The following DOCK9 variants were observed in gnomAD, a reference collection of about 807,000 sequenced individuals.
DOCK9 encodes the protein dedicator of cytokinesis protein 9.
In DOCK9, 89 loss-of-function variants were observed where a neutral mutation model predicts 263.3. That is an observed-to-expected ratio of 0.34 (90% CI 0.28 to 0.40). The LOEUF is 0.40. DOCK9 is among the 10% of genes least tolerant of loss of function. The pLI is 1.00. For missense variants in DOCK9, 2,140 were observed against 2,603.4 expected, an observed-to-expected ratio of 0.82 and a Z score of 3.87; for synonymous variants, 976 against 973.1, an observed-to-expected ratio of 1.00 and a Z score of -0.06.
rs372331441 is a variant in DOCK9 at position 98,898,798 on chromosome 13, C to T, written c.1504-537G>A. ...CAATGCTATATTCTTGCTTTCTAAACATGAATTACTGCTATTTCTACTTCC... is the reference window on the plus strand; with the variant it reads ...CAATGCTATATTCTTGCTTTCTAAATATGAATTACTGCTATTTCTACTTCC... On this transcript the variant is annotated intron_variant, in intron 13 of 52. Coordinates refer to ENST00000682017, the MANE Select transcript of DOCK9 (RefSeq NM_001366683.2). 6.6e-5 allele frequency among the ~76,000 whole-genome samples: 10 copies of T among 152,298 alleles called. No individual in the cohort carries two copies. In the East Asian group the frequency reaches 7.7e-4, roughly 12 times the overall value.
intron 1 of DOCK9, among the ~76,000 whole-genome samples, chr13:99,008,192 C>G (rs1883703085): frequency 1.6e-5 from 1 of 64,074 alleles, no homozygotes; most frequent in South Asian, 7.6e-4. Flanking sequence ...CAGCCTCTCT[C>G]TCTCTCTCTC....
intron 1 of DOCK9, among the ~76,000 whole-genome samples, chr13:99,017,974 T>C (rs1303242338): frequency 1.3e-5 from 2 of 152,204 alleles, no homozygotes; most frequent in Non-Finnish European, 2.9e-5. Flanking sequence ...ATCATCATAT[T>C]GTATACCTTA....
intron 1 of DOCK9, among the ~76,000 whole-genome samples, chr13:99,040,172 G>A (rs1888321179): frequency 6.6e-6 from 1 of 152,194 alleles, no homozygotes; most frequent in Admixed American, 6.5e-5. Context: ...CCTACCTCAT[G>A]TATGGATACA....
chr13:98,955,190 C>T (rs549193670), intron 2 of DOCK9, among the ~76,000 whole-genome samples: 10 of 152,178 alleles, frequency 6.6e-5, no homozygotes, highest in South Asian at 4.2e-4. Flanking sequence ...TGGTGGCACA[C>T]GCCTGTAATC....
At chr13:99,037,235 T>C (rs1887985001) in intron 1 of DOCK9, among the ~76,000 whole-genome samples, 1 of 152,152 alleles carries the variant, frequency 6.6e-6, no homozygotes, top group African/African-American at 2.4e-5. Flanking sequence ...ATCACATACC[T>C]GATTAAAGAT....
rs939839068 is a variant in DOCK9, at chr13:99,084,309, T to C, written c.129+1914A>G. ...TGCAATTCAGAACCATCACAATGCA[T>C]TTCCTATTTCCCATTCAGCCAGGGG... On this transcript the variant is annotated intron_variant, in intron 1 of 32. Transcript: ENST00000427887. 2.0e-5 allele frequency among the ~76,000 whole-genome samples: 3 copies of C among 152,222 alleles called. No individual in the cohort carries two copies. In the South Asian group the frequency reaches 6.2e-4, roughly 31 times the overall value.
At chr13:99,043,310 C>G (rs1186467536) in intron 1 of DOCK9, among the ~76,000 whole-genome samples, 1 of 152,246 alleles carries the variant, frequency 6.6e-6, no homozygotes, top group Admixed American at 6.5e-5. Flanking sequence ...TCAAACTTCT[C>G]TTCCAGCTGG....
At chr13:98,910,884 T>G (rs1377155376) in intron 9 of DOCK9, among the ~76,000 whole-genome samples, 1 of 146,528 alleles carries the variant, frequency 6.8e-6, no homozygotes, top group East Asian at 2.3e-4. Flanking sequence ...TCTGCATACT[T>G]CAGTCTCTGA....
intron 8 of DOCK9, 149 bp from the exon 9 acceptor site, chr13:98,914,544 T>C: frequency 1.5e-6 from 1 of 646,028 alleles, no homozygotes; most frequent in East Asian, 2.8e-5. Context: ...TTGGGGTGCT[T>C]TGAAAAAATA....
intron 2 of DOCK9, among the ~76,000 whole-genome samples, chr13:98,940,118 A>C (rs1397424412): frequency 1.3e-5 from 2 of 152,198 alleles, no homozygotes; most frequent in Non-Finnish European, 2.9e-5. Flanking sequence ...ATTCAGTACC[A>C]AGCTAGACTG....
intron 1 of DOCK9, among the ~76,000 whole-genome samples, chr13:98,987,960 A>C (rs1878863892): frequency 6.6e-6 from 1 of 152,280 alleles, no homozygotes; most frequent in South Asian, 2.1e-4. Context: ...TTTAAATTTA[A>C]AAAATAAAAA....
At chr13:98,806,949 C>T (rs2090790984) in intron 48 of DOCK9, among the ~76,000 whole-genome samples, 1 of 151,972 alleles carries the variant, frequency 6.6e-6, no homozygotes, top group East Asian at 1.9e-4. Flanking sequence ...TTAGAAAAAG[C>T]CATTTGGCCA....
chr13:99,038,366 G>A (rs1027028178), intron 1 of DOCK9, among the ~76,000 whole-genome samples: 5 of 127,734 alleles, frequency 3.9e-5, no homozygotes, highest in East Asian at 2.5e-4. Context: ...GTGCAATGGC[G>A]TGACCTTGGC....
intron 1 of DOCK9, among the ~76,000 whole-genome samples, chr13:98,958,559 C>A (rs1271777003): frequency 6.6e-6 from 1 of 152,214 alleles, no homozygotes; most frequent in African/African-American, 2.4e-5. Flanking sequence ...CATTGCGGCA[C>A]AAAAGCAGCC....
rs370322794 is a variant in DOCK9, at chr13:98,895,484, G to A, written c.1709+2004C>T. 1.5e-3 allele frequency among the ~76,000 whole-genome samples: 232 copies of A among 152,166 alleles called. 8 individuals are homozygous for A. The South Asian group carries it at 0.045, about 30-fold the overall frequency. ...GTTTGAGATCAGCCTGGCCAATATGGTGAAACCCCATCTCTACTAAAAATA... is the reference window on the plus strand; with the variant it reads ...GTTTGAGATCAGCCTGGCCAATATGATGAAACCCCATCTCTACTAAAAATA... On this transcript the variant is annotated intron_variant, in intron 15 of 52. Transcript: ENST00000682017.
chr13:98,883,512 C>A (rs1297225175), intron 22 of DOCK9, among the ~76,000 whole-genome samples: 5 of 152,146 alleles, frequency 3.3e-5, no homozygotes, highest in Non-Finnish European at 7.4e-5. Flanking sequence ...CTCCAAAATG[C>A]TAGGATTACA....
intron 1 of DOCK9, among the ~76,000 whole-genome samples, chr13:98,964,401 G>C (rs2141192035): frequency 6.6e-6 from 1 of 152,288 alleles, no homozygotes; most frequent in African/African-American, 2.4e-5. Context: ...GAGGTTCCTG[G>C]AGCTGATCAA....
At chr13:98,916,402 C>T (rs1457470617) in intron 7 of DOCK9, among the ~76,000 whole-genome samples, 4 of 152,142 alleles carry the variant, frequency 2.6e-5, no homozygotes, top group African/African-American at 9.7e-5. Flanking sequence ...ACAGGCTGAG[C>T]GATATGAAAT....
intron 1 of DOCK9, among the ~76,000 whole-genome samples, chr13:98,988,920 C>T (rs1332694154): frequency 6.6e-6 from 1 of 152,174 alleles, no homozygotes. Flanking sequence ...CAGGGTAGGA[C>T]GGCATCCCCA....
Sources: gnomAD v4.1 joint callset for allele counts (sites outside exome capture counted in the v4.1 genomes callset) on GRCh38, gnomAD v4.1.1 for gene constraint, MANE v1.5 for transcripts, NCBI Gene and HGNC (gene_info 2026-07-23, HGNC 2026-07-21) for gene names.